ZNRF3: variants seen among roughly 807,000 people sequenced by gnomAD.
ZNRF3 encodes E3 ubiquitin-protein ligase ZNRF3.
In ZNRF3, 23 loss-of-function variants were observed where a neutral mutation model predicts 72.5. The observed-to-expected ratio is 0.32, with a 90% confidence interval of 0.23 to 0.45. The LOEUF (loss-of-function observed/expected upper bound fraction) is 0.45. ZNRF3 is among the 20% of genes least tolerant of loss of function. The probability of loss-of-function intolerance (pLI) is 1.00; values close to 1 mark genes in which losing one functional copy is unlikely to be tolerated. For synonymous variants in ZNRF3, 610 were observed against 545.3 expected (o/e 1.12, Z -1.65); for missense variants, 1,169 against 1,272.1 (o/e 0.92, Z 1.23).
At chr22:29,041,958 C>T (rs1321784501) in intron 2 of ZNRF3, among the ~76,000 whole-genome samples, 4 of 152,154 alleles carry the variant, frequency 2.6e-5, no homozygotes, top group Non-Finnish European at 4.4e-5. Flanking sequence ...ACCAATACCT[C>T]TGTACTGACT....
At position 29,050,105 on chromosome 22, in the gene ZNRF3, G is replaced by A; in HGVS notation, c.1924G>A (p.Gly642Arg). ...ELPAVHSHGA[G>R]RGEPWPGPAS... Reference sequence around the variant, plus strand: ...CCCGGCGGTGCACAGTCATGGTGCTGGGCGGGGCGAGCCTTGGCCGGGCCC... The same window carrying A: ...CCCGGCGGTGCACAGTCATGGTGCTAGGCGGGGCGAGCCTTGGCCGGGCCC... The change falls in exon 8 of 9, where the codon GGG (glycine) becomes AGG (arginine). Residue 642 changes from glycine to arginine, a missense_variant. Gly to Arg is a moderately radical substitution (Grantham distance 125). Coordinates refer to ENST00000544604, the MANE Select transcript of ZNRF3 (RefSeq NM_001206998.2). 6.2e-7 allele frequency: 1 copy of A among 1,608,098 alleles called. No homozygotes were observed. Among genetic ancestry groups the A allele is most frequent in the Non-Finnish European group, 8.5e-7 (1 of 1,179,618 alleles).
chr22:28,923,740 T>C (rs1036742460), intron 1 of ZNRF3, among the ~76,000 whole-genome samples: 1 of 152,222 alleles, frequency 6.6e-6, no homozygotes, highest in African/African-American at 2.4e-5. Context: ...AGCTTCTTTT[T>C]AAAAAACATG....
chr22:29,028,797 T>A (rs1239848103), intron 2 of ZNRF3, among the ~76,000 whole-genome samples: 1 of 152,178 alleles, frequency 6.6e-6, no homozygotes, highest in Admixed American at 6.5e-5. Context: ...ATAGGTACTT[T>A]CCTTACTTTC....
intron 2 of ZNRF3, among the ~76,000 whole-genome samples, chr22:28,991,293 AAAAAAAAAAAAAAAAAAAG>A (rs2035949237): frequency 7.0e-6 from 1 of 143,400 alleles, no homozygotes; most frequent in Admixed American, 6.8e-5. Flanking sequence ...AAAAAAAAAA[AAAAAAAAAAAAAAAAAAAG>A]AAGAACAGTA....
intron 2 of ZNRF3, among the ~76,000 whole-genome samples, chr22:29,001,505 T>G (rs1439151087): frequency 2.7e-5 from 4 of 148,882 alleles, no homozygotes; most frequent in Non-Finnish European, 5.9e-5. Context: ...GGAGTCTCGC[T>G]CTGTTGCCCA....
intron 1 of ZNRF3, among the ~76,000 whole-genome samples, chr22:28,888,877 G>A (rs1238359230): frequency 6.6e-6 from 1 of 152,032 alleles, no homozygotes; most frequent in Non-Finnish European, 1.5e-5. Flanking sequence ...CAGCACTTTG[G>A]GAGGTCGAGG....
At chr22:29,039,929 A>G (rs1457216578) in intron 2 of ZNRF3, among the ~76,000 whole-genome samples, 2 of 152,122 alleles carry the variant, frequency 1.3e-5, no homozygotes, top group Non-Finnish European at 1.5e-5. Context: ...ACTCCAGCCC[A>G]GGTGACAGAG....
chr22:28,988,214 A>G (rs2035890639), intron 2 of ZNRF3, among the ~76,000 whole-genome samples: 2 of 152,130 alleles, frequency 1.3e-5, no homozygotes, highest in Non-Finnish European at 2.9e-5. Context: ...TACTGACTGG[A>G]TATCTTTTAT....
intron 2 of ZNRF3, chr22:29,031,721 C>T (rs978700231): frequency 2.1e-5 from 16 of 766,086 alleles, no homozygotes; most frequent in Non-Finnish European, 2.4e-5. Context: ...GGGTAGGACC[C>T]GCCAAGAGGG....
chr22:28,981,413 A>ACTC (rs1242992964), intron 1 of ZNRF3, among the ~76,000 whole-genome samples: 2 of 152,112 alleles, frequency 1.3e-5, no homozygotes, highest in Non-Finnish European at 2.9e-5. Context: ...CTGGTCTCGA[A>ACTC]CTCCTGGGTT....
At chr22:28,898,410 C>T (rs1021913524) in intron 1 of ZNRF3, among the ~76,000 whole-genome samples, 1 of 152,212 alleles carries the variant, frequency 6.6e-6, no homozygotes, top group African/African-American at 2.4e-5. Context: ...AGAAAGGAGA[C>T]AGTAGGAGGT....
At chr22:28,950,182 A>C (rs1317091913) in intron 1 of ZNRF3, among the ~76,000 whole-genome samples, 4 of 152,198 alleles carry the variant, frequency 2.6e-5, no homozygotes, top group Non-Finnish European at 5.9e-5. Flanking sequence ...CAGACTGTAA[A>C]AGGCTAATAA....
Position 29,054,236 on chromosome 22 carries a change from C to G in ZNRF3, c.*614C>G, listed in dbSNP as rs1174573041. 1 of 152,436 alleles carries G rather than the reference C, an allele frequency of 6.6e-6. No homozygotes were observed. Among genetic ancestry groups the G allele is most frequent in the African/African-American group, 2.4e-5 (1 of 41,470 alleles). 9.4% of individuals were successfully genotyped at this position (152,436 alleles called of 1,614,324 possible). ...TCCCAATGTACACGATTTCAGGTCT[C>G]AGACGCCATGCCTCTCCAGCCCACG... On this transcript the variant is annotated 3_prime_UTR_variant, in exon 9 of 9. Coordinates refer to ENST00000544604, the MANE Select transcript of ZNRF3 (RefSeq NM_001206998.2).
At chr22:28,968,058 G>T (rs2035507080) in intron 1 of ZNRF3, among the ~76,000 whole-genome samples, 1 of 151,976 alleles carries the variant, frequency 6.6e-6, no homozygotes, top group Admixed American at 6.6e-5. Flanking sequence ...GAATAGGGTT[G>T]GTCTGCCACC....
At chr22:28,912,444 TACATCCGGGGATCAAGGAG>T (rs2034334547) in intron 1 of ZNRF3, among the ~76,000 whole-genome samples, 1 of 152,164 alleles carries the variant, frequency 6.6e-6, no homozygotes, top group Non-Finnish European at 1.5e-5. Flanking sequence ...TATGCTGGAT[TACATCCGGGGATCAAGGAG>T]CCCGCCTCTT....
At chr22:28,921,076 AG>A (rs1254187602) in intron 1 of ZNRF3, among the ~76,000 whole-genome samples, 1 of 152,234 alleles carries the variant, frequency 6.6e-6, no homozygotes, top group Non-Finnish European at 1.5e-5. Flanking sequence ...GAGGAGTAGG[AG>A]GGCTGTCATT....
chr22:29,017,466 G>T (rs988443582), intron 2 of ZNRF3, among the ~76,000 whole-genome samples: 1 of 152,214 alleles, frequency 6.6e-6, no homozygotes, highest in East Asian at 1.9e-4. Flanking sequence ...CAGGGAGGAA[G>T]ATCATCCAGG....
chr22:29,008,379 C>T (rs186600337), intron 2 of ZNRF3, among the ~76,000 whole-genome samples: 230 of 152,314 alleles, frequency 1.5e-3, no homozygotes, highest in African/African-American at 5.3e-3. Context: ...TTATTCCATG[C>T]TCTGAGCCAA....
intron 2 of ZNRF3, among the ~76,000 whole-genome samples, chr22:29,042,220 G>A (rs1250319834): frequency 6.6e-6 from 1 of 152,144 alleles, no homozygotes; most frequent in African/African-American, 2.4e-5. Flanking sequence ...AGGGTAATTC[G>A]CATATCCATT....
Sources: allele counts gnomAD v4.1 joint callset (sites outside exome capture counted in the v4.1 genomes callset), GRCh38; gene constraint gnomAD v4.1.1; transcripts MANE v1.5; gene names NCBI Gene and HGNC (gene_info 2026-07-23, HGNC 2026-07-21).